Variants in AHCTF1 observed in about 807,000 individuals in gnomAD.
The protein encoded by AHCTF1 is AT-hook containing transcription factor 1, also known as protein ELYS.
A neutral mutation model predicts 248.4 loss-of-function variants in AHCTF1; 24 were observed. The observed-to-expected ratio is 0.10, with a 90% CI of 0.07 to 0.14. The LOEUF (loss-of-function observed/expected upper bound fraction) is 0.14. AHCTF1 is among the 10% of genes least tolerant of loss of function. The pLI is 1.00. For synonymous variants in AHCTF1, 786 were observed against 929.8 expected, an observed-to-expected ratio of 0.85 and a Z score of 2.81; for missense variants, 2,206 against 2,636.2, an observed-to-expected ratio of 0.84 and a Z score of 3.57.
At chr1:246,927,338 T>G (rs949727372) in intron 1 of AHCTF1, among the ~76,000 whole-genome samples, 1 of 151,992 alleles carries the variant, frequency 6.6e-6, no homozygotes, top group Non-Finnish European at 1.5e-5. Flanking sequence ...ACAAGAAATG[T>G]AGCAGCCAGC....
At chr1:246,908,723 TAAAAAAA>T (rs35110822) in intron 4 of AHCTF1, among the ~76,000 whole-genome samples, 6 of 106,846 alleles carry the variant, frequency 5.6e-5, no homozygotes, top group African/African-American at 1.7e-4. Flanking sequence ...CAGTCTCTAC[TAAAAAAA>T]AAAAAAAAAA....
intron 12 of AHCTF1, among the ~76,000 whole-genome samples, chr1:246,896,731 A>G (rs778605979): frequency 2.0e-5 from 3 of 152,248 alleles, no homozygotes; most frequent in Non-Finnish European, 2.9e-5. Context: ...AAATATCTCA[A>G]TAAAGCTGAT....
intron 30 of AHCTF1, 48 bp from the exon 31 acceptor site, chr1:246,855,875 G>T: frequency 7.2e-7 from 1 of 1,380,372 alleles, no homozygotes; most frequent in Non-Finnish European, 1.0e-6. Flanking sequence ...GATCCCATCT[G>T]CTTTAACCTG....
chr1:246,915,020 G>C (rs1262649325), intron 3 of AHCTF1, among the ~76,000 whole-genome samples: 1 of 152,160 alleles, frequency 6.6e-6, no homozygotes, highest in South Asian at 2.1e-4. Flanking sequence ...CCTTTTACAT[G>C]AGAGTTCTAC....
chr1:246,869,130 A>G (rs1320219097), intron 24 of AHCTF1, among the ~76,000 whole-genome samples: 2 of 151,882 alleles, frequency 1.3e-5, no homozygotes, highest in African/African-American at 4.8e-5. Flanking sequence ...GGCGTGAGCC[A>G]CCACGCCCGG....
intron 1 of AHCTF1, among the ~76,000 whole-genome samples, chr1:246,930,250 A>C (rs773570172): frequency 1.3e-5 from 2 of 152,062 alleles, no homozygotes; most frequent in Non-Finnish European, 2.9e-5. Context: ...TGAAGCTCAA[A>C]CGTTCCCCCC....
intron 2 of AHCTF1, among the ~76,000 whole-genome samples, chr1:246,918,030 T>C (rs553495870): frequency 1.6e-4 from 25 of 152,164 alleles, no homozygotes; most frequent in Non-Finnish European, 3.5e-4. Flanking sequence ...ATGAGATTTT[T>C]AATAAGGAAA....
In AHCTF1 at chr1:246,862,138, C is replaced by A; in HGVS notation, c.3556G>T (p.Ala1186Ser). The change falls in exon 28 of 36, where the codon GCC (alanine) becomes TCC (serine). Residue 1186 changes from alanine (A) to serine (S), a missense_variant. By Grantham distance (99) the Ala-to-Ser change is moderately conservative. Transcript: ENST00000648844. Reference protein sequence around the residue: ...PLVVKKAKSLAMSVTTSGFSE... With the variant: ...PLVVKKAKSLSMSVTTSGFSE... ...AATCCAGAAGTAGTAACTGACATGG[C>A]CAAACTTTTAGCTTTCTATAGTAAA... 6.2e-7 allele frequency: 1 copy of A among 1,606,888 alleles called. No individual in the cohort carries two copies. Among genetic ancestry groups the A allele is most frequent in the Non-Finnish European group, 8.5e-7 (1 of 1,177,706 alleles).
At chr1:246,888,005 A>G (rs1433448676) in intron 19 of AHCTF1, among the ~76,000 whole-genome samples, 172 bp downstream of exon 19, 1 of 152,232 alleles carries the variant, frequency 6.6e-6, no homozygotes, top group Non-Finnish European at 1.5e-5. Context: ...ATATAGTTTT[A>G]GGTTGATCAC....
At position 246,853,080 on chromosome 1, in the gene AHCTF1, A is replaced by AT. The variant is rs752692575; in HGVS notation, c.4563+10dup. On this transcript the variant is annotated intron_variant, in intron 32 of 35. Coordinates refer to ENST00000648844, the MANE Select transcript of AHCTF1 (RefSeq NM_001323342.2). ...AGACTGATAAAGAAGTAAAAAATTA[A>AT]TTTTTTTTACATGAATTTCTTGAGT... 22 of 1,597,736 alleles carry AT rather than the reference A, an allele frequency of 1.4e-5. No homozygotes were observed. The highest frequency in any genetic ancestry group is 2.3e-5 in the South Asian group (2 of 88,272).
intron 4 of AHCTF1, among the ~76,000 whole-genome samples, chr1:246,910,249 C>G (rs1055758945): frequency 6.6e-6 from 1 of 152,088 alleles, no homozygotes; most frequent in Non-Finnish European, 1.5e-5. Flanking sequence ...AAAATAAAAA[C>G]AGAGAGGACA....
Position 246,877,070 on chromosome 1 carries a change from C to T in AHCTF1, c.2817G>A (p.Val939=), listed in dbSNP as rs760344070. 6.2e-7 allele frequency: 1 copy of T among 1,612,186 alleles called. No individual in the cohort carries two copies. The highest frequency in any genetic ancestry group is 8.5e-7 in the Non-Finnish European group (1 of 1,179,958). The part of the protein sequence containing the change: ...PFTDTEQECL[V]KFLQSSASVQ... ...CGCTGGCACTGGACTGCAAAAATTT[C>T]ACTAAACATTCCTAAAAAGAACAAA... Residue 939 remains valine (V), a synonymous_variant, in exon 23 of 36, where the codon GTG becomes GTA. Coordinates refer to ENST00000648844, the MANE Select transcript of AHCTF1 (RefSeq NM_001323342.2).
chr1:246,916,505 T>C (rs958120541), intron 2 of AHCTF1, 110 bp from the exon 3 acceptor site: 2 of 944,360 alleles, frequency 2.1e-6, no homozygotes, highest in East Asian at 2.6e-5. Context: ...ACTTTACATA[T>C]TATCTCCACA....
intron 33 of AHCTF1, among the ~76,000 whole-genome samples, chr1:246,845,876 C>T (rs534812893): frequency 6.6e-6 from 1 of 152,162 alleles, no homozygotes; most frequent in South Asian, 2.1e-4. Context: ...GTGGCCAATG[C>T]AAACCATGGC....
At position 246,867,322 on chromosome 1, in the gene AHCTF1, A is replaced by C; in HGVS notation, c.3269T>G (p.Val1090Gly). The change falls in exon 26 of 36, where the codon GTG becomes GGG. Residue 1090 changes from valine to glycine, a missense_variant. Around this residue, in one of 6 missense-constraint regions of AHCTF1, gnomAD observed 955 missense variants for 1,055.6 expected, o/e 0.90. Coordinates refer to ENST00000648844, the MANE Select transcript of AHCTF1 (RefSeq NM_001323342.2). ...CAGCTCTGGAGCTGGGAGCGAATAC[A>C]CTATAGGAGATGGTTCTTCTATTTT... ...SSKIEEPSPI[V>G]YSLPAPELPE... 1.3e-6 allele frequency: 2 copies of C among 1,596,868 alleles called. No homozygotes were observed. The highest frequency in any genetic ancestry group is 1.7e-6 in the Non-Finnish European group (2 of 1,173,022).
intron 33 of AHCTF1, among the ~76,000 whole-genome samples, chr1:246,845,558 G>A (rs7528980): frequency 0.67 from 101,842 of 152,056 alleles, 36,075 homozygotes; most frequent in African/African-American, 0.91. Context: ...CTGAAAAAAC[G>A]ATTTATTTCA....
chr1:246,853,025 G>A, intron 32 of AHCTF1, 66 bp downstream of exon 32: 5 of 1,208,660 alleles, frequency 4.1e-6, no homozygotes, highest in East Asian at 2.5e-5. Context: ...TTGAACTACT[G>A]TGTCTTGAAA....
At position 246,839,586 on chromosome 1, in the gene AHCTF1, A is replaced by G. The variant is rs1457953536; in HGVS notation, c.*1220T>C. The G allele has an allele frequency of 4.1e-6, 4 of 985,506 alleles. No individual in the cohort carries two copies. Among genetic ancestry groups the G allele is most frequent in the Non-Finnish European group, 4.8e-6 (4 of 829,708 alleles). 61.0% of individuals were successfully genotyped at this position (985,506 alleles called of 1,614,324 possible). ...CACACTGTCAACACTTTGCGTAGGC[A>G]TTTTCACCAATTTCTCATTATCTGT... On this transcript the variant is annotated 3_prime_UTR_variant, in exon 36 of 36. Coordinates refer to ENST00000648844, the MANE Select transcript of AHCTF1 (RefSeq NM_001323342.2).
At chr1:246,888,868 C>T (rs1414236668) in intron 17 of AHCTF1, among the ~76,000 whole-genome samples, 1 of 152,176 alleles carries the variant, frequency 6.6e-6, no homozygotes, top group Non-Finnish European at 1.5e-5. Context: ...CATGCCACTG[C>T]ACTGCAGCCT....
Sources: gnomAD v4.1 joint callset for allele counts (sites outside exome capture counted in the v4.1 genomes callset) on GRCh38, gnomAD v4.1.1 for gene constraint, gnomAD v4.1.1 regional missense constraint, MANE v1.5 for transcripts, NCBI Gene and HGNC (gene_info 2026-07-23, HGNC 2026-07-21) for gene names.